Variants in PPARGC1A observed in about 807,000 individuals in gnomAD.
PPARGC1A encodes peroxisome proliferator-activated receptor gamma coactivator 1-alpha.
In PPARGC1A, 25 loss-of-function variants were observed where a neutral mutation model predicts 88.7. That is an observed-to-expected ratio of 0.28 (90% CI 0.21 to 0.39). The LOEUF (loss-of-function observed/expected upper bound fraction) is 0.39, where lower values mean the gene tolerates loss of function less well. Ranked by LOEUF, PPARGC1A falls within the 10% of genes least tolerant of loss-of-function variation. The pLI, the probability that PPARGC1A is intolerant of heterozygous loss-of-function variation, is 1.00. For missense variants in PPARGC1A, 880 were observed against 968.7 expected (o/e 0.91, Z 1.22); for synonymous variants, 363 against 355.6 (o/e 1.02, Z -0.24).
At chr4:23,812,376 C>T (rs1721074241) in intron 10 of PPARGC1A, among the ~76,000 whole-genome samples, 1 of 152,096 alleles carries the variant, frequency 6.6e-6, no homozygotes, top group Non-Finnish European at 1.5e-5. Context: ...GCAATCCCTC[C>T]TCATTTTCCG....
At chr4:24,169,187 T>C in the PPARGC1A span, among the ~76,000 whole-genome samples, 1 of 152,056 alleles carries the variant, frequency 6.6e-6, no homozygotes, top group South Asian at 2.1e-4. Context: ...ACAAGACTAA[T>C]CCCAGGTGAA....
At chr4:23,900,256 A>C (rs1010207497), upstream of PPARGC1A, among the ~76,000 whole-genome samples, 6 of 152,132 alleles carry the variant, frequency 3.9e-5, no homozygotes, top group Non-Finnish European at 7.4e-5. Context: ...CAACTCTAAA[A>C]TTTTAGTCTT....
chr4:23,838,292 CAG>C (rs1726412069), intron 2 of PPARGC1A, among the ~76,000 whole-genome samples: 1 of 152,090 alleles, frequency 6.6e-6, no homozygotes, highest in African/African-American at 2.4e-5. Flanking sequence ...TGGGCACTGA[CAG>C]TATATCTGTG....
At chr4:24,279,471 G>A in the PPARGC1A span, among the ~76,000 whole-genome samples, 2 of 152,116 alleles carry the variant, frequency 1.3e-5, no homozygotes, top group Non-Finnish European at 2.9e-5. Flanking sequence ...GTAACGGGGG[G>A]AGAAGAAAAC....
chr4:24,083,443 T>C, the PPARGC1A span, among the ~76,000 whole-genome samples: 1 of 152,126 alleles, frequency 6.6e-6, no homozygotes, highest in Non-Finnish European at 1.5e-5. Flanking sequence ...CACTCAGCAT[T>C]CTTCAAACAT....
the PPARGC1A span, among the ~76,000 whole-genome samples, chr4:24,006,103 T>G: frequency 6.6e-6 from 1 of 152,154 alleles, no homozygotes; most frequent in Non-Finnish European, 1.5e-5. Context: ...CAGGCTAGAG[T>G]GCAGTGGCCC....
the PPARGC1A span, among the ~76,000 whole-genome samples, chr4:24,083,054 C>T: frequency 6.6e-6 from 1 of 152,178 alleles, no homozygotes; most frequent in Non-Finnish European, 1.5e-5. Flanking sequence ...TGTTCTAGAA[C>T]AGGCAGATGA....
the PPARGC1A span, among the ~76,000 whole-genome samples, chr4:24,080,239 G>GT: frequency 6.6e-6 from 1 of 151,858 alleles, no homozygotes; most frequent in African/African-American, 2.4e-5. Flanking sequence ...GAGTTGTACT[G>GT]TTTTTCCAGT....
rs148823714 is a variant in PPARGC1A, at chr4:23,865,519, T to A, written c.234+19233A>T. Among the ~76,000 whole-genome samples the A allele has an allele frequency of 6.6e-5, 10 of 152,262 alleles. No homozygotes were observed. In the East Asian group the frequency reaches 1.9e-3, roughly 29 times the overall value. On this transcript the variant is annotated intron_variant, in intron 2 of 12. Coordinates refer to ENST00000264867, the MANE Select transcript of PPARGC1A (RefSeq NM_013261.5). ...CAGATCTATTAAGAGAGAAGACCCA[T>A]GCATGGTGTCTGGGACACAGTAGGG... is the stretch of plus-strand genomic sequence containing the variant.
the PPARGC1A span, among the ~76,000 whole-genome samples, chr4:23,999,154 C>T: frequency 1.3e-5 from 2 of 152,168 alleles, no homozygotes; most frequent in African/African-American, 4.8e-5. Flanking sequence ...TACCAAGGGC[C>T]TCTTCCTGAG....
the PPARGC1A span, among the ~76,000 whole-genome samples, chr4:24,034,428 T>C: frequency 6.6e-6 from 1 of 152,212 alleles, no homozygotes; most frequent in Non-Finnish European, 1.5e-5. Flanking sequence ...CACCAACTGA[T>C]GATAATAAGA....
chr4:24,427,653 G>C, the PPARGC1A span, among the ~76,000 whole-genome samples: 182 of 152,258 alleles, frequency 1.2e-3, no homozygotes, highest in African/African-American at 3.6e-3. Flanking sequence ...GCCAATATCT[G>C]TCTAGAACAG....
the PPARGC1A span, among the ~76,000 whole-genome samples, chr4:24,352,309 G>A: frequency 5.3e-5 from 8 of 152,134 alleles, no homozygotes; most frequent in East Asian, 9.6e-4. Flanking sequence ...GATGTAAGGC[G>A]CCCTCCCCTG....
chr4:24,210,214 T>A, the PPARGC1A span, among the ~76,000 whole-genome samples: 1 of 152,180 alleles, frequency 6.6e-6, no homozygotes, highest in Non-Finnish European at 1.5e-5. Context: ...CTTTACAAAG[T>A]TGGCATGAAG....
In PPARGC1A at chr4:23,886,869, A is replaced by C. The variant is rs555710637; in HGVS notation, c.55-1938T>G. Among the ~76,000 whole-genome samples, 993 of 151,622 alleles carry C rather than the reference A, an allele frequency of 6.5e-3. 37 individuals carry two copies. In the East Asian group the frequency reaches 0.11, roughly 16 times the overall value. On this transcript the variant is annotated intron_variant, in intron 1 of 12. Transcript: ENST00000264867. ...GGGCATAGTCTTTAAAAAAAAAAAA[A>C]AAAAACATGAACAACAAAAATAGCA... is the stretch of plus-strand genomic sequence containing the variant.
intron 10 of PPARGC1A, among the ~76,000 whole-genome samples, chr4:23,802,676 C>CAAAAAAA (rs397823520): frequency 7.7e-5 from 2 of 26,110 alleles, no homozygotes; most frequent in African/African-American, 1.2e-4. Context: ...GACTCCATCT[C>CAAAAAAA]AAAAAAAAAA....
At chr4:24,007,221 T>TTGCC in the PPARGC1A span, among the ~76,000 whole-genome samples, 4 of 152,192 alleles carry the variant, frequency 2.6e-5, no homozygotes, top group African/African-American at 4.8e-5. Flanking sequence ...CATCTCGCTC[T>TTGCC]CTCTCTTTCC....
chr4:24,389,933 A>T, the PPARGC1A span, among the ~76,000 whole-genome samples: 28 of 152,150 alleles, frequency 1.8e-4, no homozygotes, highest in South Asian at 6.2e-4. Context: ...TCACAATATG[A>T]TCCAATGGGG....
the PPARGC1A span, among the ~76,000 whole-genome samples, chr4:23,910,357 TTA>T: frequency 1.3e-4 from 13 of 101,506 alleles, no homozygotes; most frequent in African/African-American, 3.4e-4. Flanking sequence ...ATTATATATA[TTA>T]TATATATTAT....
Sources: allele counts gnomAD v4.1 joint callset (sites outside exome capture counted in the v4.1 genomes callset), GRCh38; gene constraint gnomAD v4.1.1; transcripts MANE v1.5; gene names NCBI Gene and HGNC (gene_info 2026-07-23, HGNC 2026-07-21).